CAST: variants seen among roughly 807,000 people sequenced by gnomAD.
CAST encodes the protein MIR583 host.
CAST carries 76 observed loss-of-function variants against 119.6 expected under a neutral mutation model. The observed-to-expected ratio is 0.64, with a 90% CI of 0.53 to 0.77. The LOEUF (loss-of-function observed/expected upper bound fraction) is 0.77, where lower values mean the gene tolerates loss of function less well. CAST is among the 30% of genes least tolerant of loss of function. CAST has a pLI of 0.00. For synonymous variants in CAST, 319 were observed against 331.6 expected, an observed-to-expected ratio of 0.96 and a Z score of 0.41; for missense variants, 953 against 946.5, an observed-to-expected ratio of 1.01 and a Z score of -0.09.
the CAST span, chr5:96,215,315 T>A: frequency 1.1e-4 from 16 of 152,252 alleles, no homozygotes; most frequent in Admixed American, 2.0e-4. Context: ...ACTGAAAAAA[T>A]TTTTAAATAT....
intron 1 of CAST, among the ~76,000 whole-genome samples, chr5:96,628,832 G>A (rs910201525): frequency 6.6e-6 from 1 of 152,050 alleles, no homozygotes; most frequent in Non-Finnish European, 1.5e-5. Context: ...CAAATATCTT[G>A]TGCATATGGC....
chr5:96,542,580 ATG>A, intron 1 of CAST, among the ~76,000 whole-genome samples: 1 of 23,218 alleles, frequency 4.3e-5, no homozygotes, highest in Middle Eastern at 0.014. Context: ...GGCACCAAAG[ATG>A]TGTGTATTTT....
the CAST span, among the ~76,000 whole-genome samples, chr5:96,212,974 C>T: frequency 6.6e-6 from 1 of 151,998 alleles, no homozygotes; most frequent in Non-Finnish European, 1.5e-5. Flanking sequence ...AATAAATTAG[C>T]CGGGCATGGT....
At chr5:96,197,745 T>A in the CAST span, among the ~76,000 whole-genome samples, 1 of 152,132 alleles carries the variant, frequency 6.6e-6, no homozygotes, top group Non-Finnish European at 1.5e-5. Flanking sequence ...TGGCTCCAGG[T>A]GAGGGGCCAA....
chr5:96,542,617 A>G (rs912583546), intron 1 of CAST, among the ~76,000 whole-genome samples: 1 of 152,084 alleles, frequency 6.6e-6, no homozygotes, highest in Non-Finnish European at 1.5e-5. Context: ...ATGTTCTTAT[A>G]TTTTGCCCAT....
chr5:96,479,170 T>C, the CAST span, among the ~76,000 whole-genome samples: 1 of 152,168 alleles, frequency 6.6e-6, no homozygotes, highest in Admixed American at 6.5e-5. Context: ...GTACAGGCTC[T>C]TCCCACGGCA....
chr5:96,101,821 C>T, the CAST span, among the ~76,000 whole-genome samples: 151 of 152,210 alleles, frequency 9.9e-4, no homozygotes, highest in African/African-American at 3.3e-3. Flanking sequence ...AGTGTGTAAG[C>T]GAGTGAATGT....
At chr5:96,474,449 G>C in the CAST span, among the ~76,000 whole-genome samples, 2 of 151,104 alleles carry the variant, frequency 1.3e-5, no homozygotes, top group African/African-American at 4.9e-5. Context: ...GGGGTGAGGG[G>C]TGGGGCCTGT....
At chr5:96,652,936 A>C (rs745450591) in intron 1 of CAST, among the ~76,000 whole-genome samples, 1 of 152,204 alleles carries the variant, frequency 6.6e-6, no homozygotes, top group African/African-American at 2.4e-5. Context: ...CTGAGACCAC[A>C]CCCTCTTACC....
At chr5:96,460,179 A>G in the CAST span, among the ~76,000 whole-genome samples, 7 of 152,172 alleles carry the variant, frequency 4.6e-5, no homozygotes, top group African/African-American at 1.7e-4. Flanking sequence ...AATGTCCTGC[A>G]TATTAGCTGC....
the CAST span, among the ~76,000 whole-genome samples, chr5:96,184,826 G>A: frequency 1.3e-5 from 2 of 152,130 alleles, no homozygotes. Context: ...ATGCATGCAT[G>A]TATCTTTATA....
At chr5:96,229,892 C>G in the CAST span, among the ~76,000 whole-genome samples, 1 of 152,098 alleles carries the variant, frequency 6.6e-6, no homozygotes, top group African/African-American at 2.4e-5. Context: ...TTATCCTCCC[C>G]CCGTGTTCCT....
intron 1 of CAST, among the ~76,000 whole-genome samples, chr5:96,612,845 CTAAA>C (rs1269453652): frequency 2.0e-5 from 3 of 152,128 alleles, no homozygotes; most frequent in Non-Finnish European, 2.9e-5. Flanking sequence ...AACAAGAAGT[CTAAA>C]TAAATATACA....
the CAST span, chr5:96,399,026 CT>C: frequency 6.2e-7 from 1 of 1,609,576 alleles, no homozygotes; most frequent in Non-Finnish European, 8.5e-7. Flanking sequence ...TCTCCATTAG[CT>C]TTCAGGGCTC....
chr5:96,220,095 G>A, the CAST span, among the ~76,000 whole-genome samples: 2 of 152,128 alleles, frequency 1.3e-5, no homozygotes, highest in Admixed American at 1.3e-4. Flanking sequence ...CTGCCTCTTT[G>A]TTGCTATGGT....
the CAST span, among the ~76,000 whole-genome samples, chr5:95,963,378 A>G: frequency 5.3e-5 from 8 of 152,226 alleles, no homozygotes; most frequent in Non-Finnish European, 1.0e-4. Context: ...TACAGAATGA[A>G]TTGGATTAAG....
At chr5:96,245,804 G>C in the CAST span, among the ~76,000 whole-genome samples, 1 of 152,118 alleles carries the variant, frequency 6.6e-6, no homozygotes, top group East Asian at 1.9e-4. Flanking sequence ...CATGCAGCTG[G>C]GGGGACTTAC....
the CAST span, among the ~76,000 whole-genome samples, chr5:96,346,486 A>G: frequency 6.6e-6 from 1 of 152,168 alleles, no homozygotes; most frequent in African/African-American, 2.4e-5. Context: ...CAAATTTCCC[A>G]AATAACAAGT....
At chr5:96,504,239 C>A in the CAST span, among the ~76,000 whole-genome samples, 1 of 152,188 alleles carries the variant, frequency 6.6e-6, no homozygotes, top group African/African-American at 2.4e-5. Context: ...CTATCTGGCC[C>A]CATCAGCTTT....
Sources: allele counts gnomAD v4.1 joint callset (sites outside exome capture counted in the v4.1 genomes callset), GRCh38; gene constraint gnomAD v4.1.1; transcripts MANE v1.5; gene names NCBI Gene and HGNC (gene_info 2026-07-23, HGNC 2026-07-21).